DAB1: variants seen among roughly 807,000 people sequenced by gnomAD.
DAB1 encodes the protein DAB adaptor protein 1.
Under a neutral mutation model 64.6 loss-of-function variants are expected in DAB1, and 15 were observed. That is an observed-to-expected ratio of 0.23 (90% CI 0.16 to 0.36). The LOEUF is 0.36. Ranked by LOEUF, DAB1 falls within the 10% of genes least tolerant of loss-of-function variation. The pLI is 1.00. For synonymous variants in DAB1, 235 were observed against 251.9 expected (o/e 0.93, Z 0.64); for missense variants, 596 against 706.7 (o/e 0.84, Z 1.78).
At chr1:57,029,483 C>T (rs1426759848) in intron 9 of DAB1, among the ~76,000 whole-genome samples, 1 of 152,138 alleles carries the variant, frequency 6.6e-6, no homozygotes, top group Non-Finnish European at 1.5e-5. Flanking sequence ...GGGCCACTGT[C>T]CTCTAGACCC....
At chr1:58,492,643 C>A (rs1036584399) in intron 3 of DAB1, among the ~76,000 whole-genome samples, 4 of 152,128 alleles carry the variant, frequency 2.6e-5, no homozygotes, top group African/African-American at 7.2e-5. Flanking sequence ...AACACCTCTA[C>A]ACAAATAAAC....
At chr1:58,154,792 G>C (rs1655133517) in intron 4 of DAB1, among the ~76,000 whole-genome samples, 1 of 152,120 alleles carries the variant, frequency 6.6e-6, no homozygotes, top group East Asian at 1.9e-4. Context: ...AAAGAACACT[G>C]TATCAGTCAG....
chr1:58,216,898 G>A (rs552318657), intron 4 of DAB1, among the ~76,000 whole-genome samples: 1 of 152,302 alleles, frequency 6.6e-6, no homozygotes, highest in Non-Finnish European at 1.5e-5. Flanking sequence ...GTCTGATTCA[G>A]GGAAAAATCA....
chr1:57,908,324 T>G (rs1250544893), intron 5 of DAB1, among the ~76,000 whole-genome samples: 1 of 152,028 alleles, frequency 6.6e-6, no homozygotes, highest in Admixed American at 6.6e-5. Context: ...ATACATTAGC[T>G]AAACCCATTA....
intron 6 of DAB1, among the ~76,000 whole-genome samples, chr1:57,723,980 T>G (rs1457729209): frequency 6.6e-6 from 1 of 152,294 alleles, no homozygotes; most frequent in African/African-American, 2.4e-5. Flanking sequence ...TCTTTCTGCC[T>G]GTTTTTCTGC....
chr1:58,387,962 C>CA (rs1644447508), intron 3 of DAB1, among the ~76,000 whole-genome samples: 1 of 152,076 alleles, frequency 6.6e-6, no homozygotes, highest in Non-Finnish European at 1.5e-5. Context: ...CTCCTGACCT[C>CA]ATGATCCACC....
At chr1:58,533,649 T>C (rs1231793278) in intron 1 of DAB1, among the ~76,000 whole-genome samples, 1 of 152,130 alleles carries the variant, frequency 6.6e-6, no homozygotes, top group Non-Finnish European at 1.5e-5. Flanking sequence ...ATATTAATAA[T>C]TATAGAAAGT....
At chr1:57,561,700 A>G (rs1205801771) in intron 7 of DAB1, among the ~76,000 whole-genome samples, 1 of 152,208 alleles carries the variant, frequency 6.6e-6, no homozygotes, top group African/African-American at 2.4e-5. Flanking sequence ...CAAAGTGGCC[A>G]TGGTGGCTGG....
intron 1 of DAB1, among the ~76,000 whole-genome samples, chr1:58,546,248 G>A (rs998279316): frequency 1.3e-5 from 2 of 152,254 alleles, no homozygotes; most frequent in Non-Finnish European, 2.9e-5. Context: ...GGGTGAAAGA[G>A]ACGAATGCCC....
At chr1:57,662,955 C>A (rs1243667169) in intron 6 of DAB1, among the ~76,000 whole-genome samples, 2 of 152,182 alleles carry the variant, frequency 1.3e-5, no homozygotes, top group Non-Finnish European at 2.9e-5. Flanking sequence ...ATTCAACCCA[C>A]CTAAGCATTT....
chr1:57,553,902 G>A (rs560562894), intron 7 of DAB1, among the ~76,000 whole-genome samples: 5 of 152,042 alleles, frequency 3.3e-5, no homozygotes, highest in Admixed American at 1.3e-4. Context: ...TTTAGGGGAG[G>A]TTAACGGGAG....
rs1326641995 is a variant in DAB1, at chr1:57,577,514, T to C, written n.625+72078A>G. 2.6e-5 allele frequency among the ~76,000 whole-genome samples: 4 copies of C among 152,194 alleles called. No individual in the cohort carries two copies. The South Asian group carries it at 8.3e-4, about 32-fold the overall frequency. On this transcript the variant is annotated intron_variant and non_coding_transcript_variant, in intron 7 of 20. Transcript: ENST00000485760. ...TACCGAACACTAAAAATTCATTTTATCATTTAGTTCTCACTATAAACTATG... is the reference window on the plus strand; with the variant it reads ...TACCGAACACTAAAAATTCATTTTACCATTTAGTTCTCACTATAAACTATG...
chr1:58,209,634 A>G (rs1490576197), intron 4 of DAB1, among the ~76,000 whole-genome samples: 2 of 152,238 alleles, frequency 1.3e-5, no homozygotes, highest in Non-Finnish European at 2.9e-5. Context: ...TTTGATTGAC[A>G]TAAATGGAAG....
intron 3 of DAB1, among the ~76,000 whole-genome samples, chr1:58,470,904 T>C (rs1645350389): frequency 6.6e-6 from 1 of 152,128 alleles, no homozygotes; most frequent in South Asian, 2.1e-4. Context: ...CCCTGGACTG[T>C]AGACTTGGAT....
chr1:57,792,892 T>G (rs1650670787), intron 6 of DAB1, among the ~76,000 whole-genome samples: 1 of 152,224 alleles, frequency 6.6e-6, no homozygotes, highest in African/African-American at 2.4e-5. Flanking sequence ...AGTTCTGAAA[T>G]GTATTTGAAC....
At chr1:58,008,915 G>C (rs1451998052) in intron 5 of DAB1, among the ~76,000 whole-genome samples, 3 of 152,134 alleles carry the variant, frequency 2.0e-5, no homozygotes, top group African/African-American at 7.2e-5. Flanking sequence ...TCTGGTGCTT[G>C]CTCATTTTCA....
chr1:57,417,662 T>C (rs1684591334), intron 1 of DAB1, among the ~76,000 whole-genome samples: 1 of 152,214 alleles, frequency 6.6e-6, no homozygotes, highest in Non-Finnish European at 1.5e-5. Flanking sequence ...CCAAACATTT[T>C]TGAACATGGA....
intron 6 of DAB1, among the ~76,000 whole-genome samples, chr1:57,687,608 A>C (rs557252812): frequency 6.7e-6 from 1 of 148,752 alleles, no homozygotes; most frequent in East Asian, 1.9e-4. Flanking sequence ...ACAAAAAAAA[A>C]AAAAAAAAAA....
intron 2 of DAB1, among the ~76,000 whole-genome samples, chr1:57,193,777 A>C (rs1664379556): frequency 6.6e-6 from 1 of 152,242 alleles, no homozygotes; most frequent in Non-Finnish European, 1.5e-5. Context: ...AGTTTTCACA[A>C]ACAAATTCCA....
Sources: gnomAD v4.1 joint callset for allele counts (sites outside exome capture counted in the v4.1 genomes callset) on GRCh38, gnomAD v4.1.1 for gene constraint, MANE v1.5 for transcripts, NCBI Gene and HGNC (gene_info 2026-07-23, HGNC 2026-07-21) for gene names.